TYW1: variants seen among roughly 807,000 people sequenced by gnomAD.
The protein encoded by TYW1 is S-adenosyl-L-methionine-dependent tRNA 4-demethylwyosine synthase TYW1.
Under a neutral mutation model 96.2 loss-of-function variants are expected in TYW1, and 46 were observed. The ratio of observed to expected loss-of-function variants is 0.48; its 90% CI spans 0.38 to 0.61. The LOEUF (loss-of-function observed/expected upper bound fraction) is 0.61, where lower values mean the gene tolerates loss of function less well. TYW1 is among the 20% of genes least tolerant of loss of function. The pLI, the probability that TYW1 is intolerant of heterozygous loss-of-function variation, is 0.00. For synonymous variants in TYW1, 274 were observed against 323.0 expected (o/e 0.85, Z 1.63); for missense variants, 684 against 909.6 (o/e 0.75, Z 3.19).
At chr7:67,004,519 C>T (rs1562961089) in intron 3 of TYW1, among the ~76,000 whole-genome samples, 1 of 152,176 alleles carries the variant, frequency 6.6e-6, no homozygotes, top group Non-Finnish European at 1.5e-5. Flanking sequence ...GGAGCCCTCA[C>T]CAGATGTAGT....
chr7:67,219,854 TTTTTTTTCTATTC>T (rs949933212), intron 15 of TYW1, among the ~76,000 whole-genome samples: 1 of 150,926 alleles, frequency 6.6e-6, no homozygotes, highest in African/African-American at 2.4e-5. Flanking sequence ...GGTTTTTTTT[TTTTTTTTCTATTC>T]TCTATTTTGT....
intron 11 of TYW1, among the ~76,000 whole-genome samples, chr7:67,087,889 G>C (rs1449157914): frequency 6.6e-6 from 1 of 151,480 alleles, no homozygotes; most frequent in Non-Finnish European, 1.5e-5. Flanking sequence ...TTGGAGACAG[G>C]GTCTCACTCT....
At position 67,060,409 on chromosome 7, in the gene TYW1, A is replaced by G. The variant is rs144839318; in HGVS notation, c.1155+4522A>G. ...GTTTAGAAAGGGAAAATAAAAGGTA[A>G]ACTTAATATGACAATGTCAGTTTGC... On this transcript the variant is annotated intron_variant, in intron 9 of 15. Coordinates refer to ENST00000359626, the MANE Select transcript of TYW1 (RefSeq NM_018264.4). Among the ~76,000 whole-genome samples the G allele has an allele frequency of 2.1e-3, 314 of 152,350 alleles. 4 individuals are homozygous for G. Among genetic ancestry groups the G allele is most frequent in the African/African-American group, 7.2e-3 (301 of 41,582 alleles).
chr7:67,080,056 A>G (rs953399894), intron 10 of TYW1, among the ~76,000 whole-genome samples: 12 of 152,210 alleles, frequency 7.9e-5, no homozygotes, highest in Non-Finnish European at 1.5e-4. Context: ...CTGCAGGTGT[A>G]GTATGAAATA....
At chr7:67,122,505 C>T (rs1797789028) in intron 13 of TYW1, among the ~76,000 whole-genome samples, 1 of 152,162 alleles carries the variant, frequency 6.6e-6, no homozygotes, top group South Asian at 2.1e-4. Context: ...TACAAAGAAG[C>T]AAGGAAAGAA....
intron 4 of TYW1, 54 bp from the exon 5 acceptor site, chr7:67,014,313 T>C (rs576381314): frequency 8.8e-5 from 135 of 1,527,304 alleles, no homozygotes; most frequent in Non-Finnish European, 1.1e-4. Flanking sequence ...ATTTTCTTCA[T>C]TGAGATAATT....
intron 14 of TYW1, among the ~76,000 whole-genome samples, chr7:67,193,283 ATTGTAAT>A (rs1465862197): frequency 6.6e-6 from 1 of 152,144 alleles, no homozygotes; most frequent in East Asian, 1.9e-4. Context: ...TCTCTTGTTT[ATTGTAAT>A]TAAGCTGGGT....
chr7:67,020,383 C>T (rs1157401188), intron 6 of TYW1, among the ~76,000 whole-genome samples: 3 of 21,696 alleles, frequency 1.4e-4, no homozygotes, highest in South Asian at 1.3e-3. Context: ...AGACTACAGA[C>T]GCCCGCCACC....
intron 5 of TYW1, 45 bp from the exon 6 acceptor site, chr7:67,017,808 G>C (rs775844025): frequency 1.8e-5 from 29 of 1,571,662 alleles, no homozygotes; most frequent in Non-Finnish European, 2.4e-5. Context: ...GGAAAACCCT[G>C]ATTTAGAGAA....
At position 67,080,683 on chromosome 7, in the gene TYW1, G is replaced by A. The variant is rs1487139459; in HGVS notation, c.1275-2747G>A. Among the ~76,000 whole-genome samples the A allele has an allele frequency of 2.0e-5, 3 of 152,180 alleles. No individual in the cohort carries two copies. The South Asian group carries it at 6.2e-4, about 31-fold the overall frequency. On this transcript the variant is annotated intron_variant, in intron 10 of 15. Coordinates refer to ENST00000359626, the MANE Select transcript of TYW1 (RefSeq NM_018264.4). ...CAAAGTGATGGGATTACAGGCGTGA[G>A]CCACCACACCCAGCTGCTTTTGGTT...
At chr7:67,002,336 C>G (rs1054551444) in intron 3 of TYW1, among the ~76,000 whole-genome samples, 1 of 113,358 alleles carries the variant, frequency 8.8e-6, no homozygotes, top group Non-Finnish European at 1.9e-5. Flanking sequence ...CCCAGCCCAT[C>G]TCAATATTGG....
rs191049073 is a variant in TYW1, at chr7:67,235,478, C to T, written c.1978-2830C>T. Among the ~76,000 whole-genome samples the T allele has an allele frequency of 2.6e-3, 390 of 152,240 alleles. 3 individuals are homozygous for T. The highest frequency in any genetic ancestry group is 9.0e-3 in the African/African-American group (373 of 41,548). ...GAGTGTCATGCCTCTGTCATGAATA[C>T]ACAGTGAAGCAGTCCCTTTTATTCC... On this transcript the variant is annotated intron_variant, in intron 15 of 15. Transcript: ENST00000359626.
intron 13 of TYW1, among the ~76,000 whole-genome samples, chr7:67,165,267 G>A (rs940896068): frequency 9.2e-5 from 14 of 152,202 alleles, no homozygotes; most frequent in African/African-American, 2.9e-4. Flanking sequence ...GCCTCAACTA[G>A]AGTATGTGTT....
chr7:67,023,153 G>A (rs1402566673), intron 6 of TYW1, among the ~76,000 whole-genome samples: 2 of 152,020 alleles, frequency 1.3e-5, no homozygotes, highest in Non-Finnish European at 2.9e-5. Flanking sequence ...CTGGAGTGCA[G>A]GGTCACGATC....
Position 67,151,307 on chromosome 7 carries a change from C to G in TYW1, c.1699-31819C>G, listed in dbSNP as rs556170538. ...CAGGTGATCCACCCGCCTCAGCCTC[C>G]CAAAGTGTTGGGATTACAGGCATGA... On this transcript the variant is annotated intron_variant, in intron 13 of 15. Coordinates refer to ENST00000359626, the MANE Select transcript of TYW1 (RefSeq NM_018264.4). Among the ~76,000 whole-genome samples, 4 of 152,150 alleles carry G rather than the reference C, an allele frequency of 2.6e-5. No individual in the cohort carries two copies. The South Asian group carries it at 8.3e-4, about 32-fold the overall frequency.
chr7:67,103,396 C>G (rs13243205), intron 12 of TYW1, among the ~76,000 whole-genome samples: 1 of 152,156 alleles, frequency 6.6e-6, no homozygotes, highest in Non-Finnish European at 1.5e-5. Context: ...CTAGAAAAAA[C>G]TTCAAAAACA....
intron 15 of TYW1, among the ~76,000 whole-genome samples, chr7:67,214,134 G>A (rs562551424): frequency 2.0e-5 from 3 of 152,050 alleles, no homozygotes; most frequent in Admixed American, 6.6e-5. Flanking sequence ...CTTCTAATCC[G>A]TGAACATGGA....
In TYW1 at chr7:67,088,019, G is replaced by A. The variant is rs139951296; in HGVS notation, c.1384+4480G>A. Among the ~76,000 whole-genome samples the A allele has an allele frequency of 1.4e-3, 207 of 152,014 alleles. 1 individual carries two copies. The highest frequency in any genetic ancestry group is 4.4e-3 in the African/African-American group (183 of 41,478). ...GCCGGAACTACAGGTGCATGCTACCGCGCTTCAGCTAATTTAAAAATTTTT... is the reference window on the plus strand; with the variant it reads ...GCCGGAACTACAGGTGCATGCTACCACGCTTCAGCTAATTTAAAAATTTTT... On this transcript the variant is annotated intron_variant, in intron 11 of 15. Transcript: ENST00000359626.
At chr7:67,032,144 G>A (rs1268425322) in intron 7 of TYW1, among the ~76,000 whole-genome samples, 2 of 152,072 alleles carry the variant, frequency 1.3e-5, no homozygotes, top group Non-Finnish European at 2.9e-5. Context: ...TTTAGTCTTG[G>A]ATCAAAGAGA....
Sources: allele counts gnomAD v4.1 joint callset (sites outside exome capture counted in the v4.1 genomes callset), GRCh38; gene constraint gnomAD v4.1.1; transcripts MANE v1.5; gene names NCBI Gene and HGNC (gene_info 2026-07-23, HGNC 2026-07-21).